Variants in PAX3 observed in about 807,000 individuals in gnomAD.
PAX3 encodes paired box 3.
A neutral mutation model predicts 51.6 loss-of-function variants in PAX3; 14 were observed. The observed-to-expected ratio is 0.27, with a 90% CI of 0.18 to 0.42. PAX3 has a LOEUF of 0.42. Among genes scored for constraint, PAX3 ranks in the 10% least tolerant of loss-of-function variants. PAX3 has a pLI of 1.00. For missense variants in PAX3, 540 were observed against 642.8 expected (o/e 0.84, Z 1.73); for synonymous variants, 280 against 253.4 (o/e 1.11, Z -1.00).
At chr2:222,225,334 C>T (rs1692345226) in intron 5 of PAX3, among the ~76,000 whole-genome samples, 1 of 152,016 alleles carries the variant, frequency 6.6e-6, no homozygotes, top group Admixed American at 6.6e-5. Flanking sequence ...ATGCATTTCT[C>T]TAGTAGTATA....
intron 4 of PAX3, among the ~76,000 whole-genome samples, chr2:222,243,525 AC>A (rs1424886087): frequency 2.6e-5 from 4 of 152,272 alleles, no homozygotes; most frequent in Middle Eastern, 3.2e-3. Flanking sequence ...GTGTCAGTGT[AC>A]ATAGGAGTTA....
chr2:222,290,869 GA>G (rs918585598), intron 4 of PAX3, among the ~76,000 whole-genome samples: 10 of 148,318 alleles, frequency 6.7e-5, no homozygotes, highest in African/African-American at 2.2e-4. Context: ...TTTAAAATAA[GA>G]AAAAAATGGG....
At chr2:222,255,763 C>G (rs369198642) in intron 4 of PAX3, among the ~76,000 whole-genome samples, 1 of 150,242 alleles carries the variant, frequency 6.7e-6, no homozygotes, top group Non-Finnish European at 1.5e-5. Flanking sequence ...AGAATAGTAA[C>G]AGTATGCCCA....
At chr2:222,291,969 GGT>G (rs3997675) in intron 4 of PAX3, among the ~76,000 whole-genome samples, 27,387 of 133,290 alleles carry the variant, frequency 0.21, 2,545 homozygotes, top group South Asian at 0.25. Context: ...CAGCCTCCAA[GGT>G]GTGTGTGTGT....
intron 4 of PAX3, among the ~76,000 whole-genome samples, chr2:222,272,127 G>T (rs1282549615): frequency 6.6e-6 from 1 of 152,104 alleles, no homozygotes; most frequent in Non-Finnish European, 1.5e-5. Context: ...ACACTGCATA[G>T]TAGCCGCCAC....
At chr2:222,229,022 G>A (rs1342181608) in intron 5 of PAX3, among the ~76,000 whole-genome samples, 1 of 151,938 alleles carries the variant, frequency 6.6e-6, no homozygotes, top group African/African-American at 2.4e-5. Flanking sequence ...ACCAAATCCT[G>A]GAATATAGTG....
chr2:222,242,163 G>C (rs779854007), intron 4 of PAX3, among the ~76,000 whole-genome samples: 3 of 152,048 alleles, frequency 2.0e-5, no homozygotes, highest in Non-Finnish European at 4.4e-5. Flanking sequence ...TTATGTTTTT[G>C]TTACTACAAC....
chr2:222,283,158 G>A (rs1694705234), intron 4 of PAX3, among the ~76,000 whole-genome samples: 1 of 152,204 alleles, frequency 6.6e-6, no homozygotes, highest in Non-Finnish European at 1.5e-5. Context: ...CAATCTACAT[G>A]TTGTTAAATA....
At chr2:222,297,684 C>G (rs1695378329) in intron 1 of PAX3, among the ~76,000 whole-genome samples, 1 of 152,204 alleles carries the variant, frequency 6.6e-6, no homozygotes, top group African/African-American at 2.4e-5. Context: ...GCCAAAAGTG[C>G]AGCAGCCAAG....
intron 4 of PAX3, among the ~76,000 whole-genome samples, chr2:222,256,381 A>G (rs963422665): frequency 1.3e-5 from 2 of 151,830 alleles, no homozygotes; most frequent in Non-Finnish European, 2.9e-5. Context: ...TCTCATCCCA[A>G]TAATGCCATC....
At chr2:222,250,493 C>A (rs909320551) in intron 4 of PAX3, among the ~76,000 whole-genome samples, 1 of 152,042 alleles carries the variant, frequency 6.6e-6, no homozygotes, top group African/African-American at 2.4e-5. Context: ...AGAGGAAATA[C>A]CTTCACCACA....
chr2:222,295,438 C>T, intron 3 of PAX3, 90 bp downstream of exon 3: 1 of 1,481,486 alleles, frequency 6.7e-7, no homozygotes, highest in East Asian at 2.3e-5. Context: ...TAGCTGAGAT[C>T]GATAATTGGG....
At chr2:222,297,647 G>A (rs549395840) in intron 1 of PAX3, among the ~76,000 whole-genome samples, 1 of 152,204 alleles carries the variant, frequency 6.6e-6, no homozygotes, top group Non-Finnish European at 1.5e-5. Flanking sequence ...AGGGACTTGG[G>A]CCAGCTGATA....
chr2:222,232,338 G>C, intron 4 of PAX3, 55 bp from the exon 5 acceptor site: 1 of 1,495,952 alleles, frequency 6.7e-7, no homozygotes, highest in Non-Finnish European at 9.3e-7. Flanking sequence ...AAATAAAACT[G>C]AGATTGAATC....
In PAX3 at chr2:222,217,664, T is replaced by C. The variant is rs1692019467; in HGVS notation, c.1173+2476A>G. Among the ~76,000 whole-genome samples the C allele has an allele frequency of 1.3e-5, 2 of 152,210 alleles. 1 individual carries two copies. The highest frequency in any genetic ancestry group is 1.3e-4 in the Admixed American group (2 of 15,270). ...TGTCCGTGTTATATGATCCAATATATTCATAATCACTCTATGATAAGCAGT... is the reference window on the plus strand; with the variant it reads ...TGTCCGTGTTATATGATCCAATATACTCATAATCACTCTATGATAAGCAGT... On this transcript the variant is annotated intron_variant, in intron 7 of 8. Coordinates refer to ENST00000392070, the MANE Select transcript of PAX3 (RefSeq NM_181458.4).
chr2:222,232,226 A>C lies in PAX3; in HGVS notation c.644T>G (p.Leu215Arg). The C allele has an allele frequency of 6.2e-7, 1 of 1,613,934 alleles. No individual in the cohort carries two copies. The highest frequency in any genetic ancestry group is 1.1e-5 in the South Asian group (1 of 91,064). The change falls in exon 5 of 9, where the codon CTA becomes CGA. Residue 215 changes from leucine to arginine, a missense_variant. Coordinates refer to ENST00000392070, the MANE Select transcript of PAX3 (RefSeq NM_181458.4). ...TCGGCTTCTGCGCTGTTTCCTCTTT[A>C]GTGGTAAATCTGGTTCAGAGTCAAT... Reference protein sequence around the residue: ...SDIDSEPDLPLKRKQRRSRTT... With the variant: ...SDIDSEPDLPRKRKQRRSRTT...
chr2:222,244,705 C>T (rs982298856), intron 4 of PAX3, among the ~76,000 whole-genome samples: 10 of 148,842 alleles, frequency 6.7e-5, no homozygotes, highest in East Asian at 3.9e-4. Context: ...CAGAAGAACC[C>T]GCCCATAGTC....
intron 4 of PAX3, 31 bp downstream of exon 4, chr2:222,294,136 C>A (rs370419430): frequency 6.2e-7 from 1 of 1,613,784 alleles, no homozygotes; most frequent in Non-Finnish European, 8.5e-7. Flanking sequence ...AGTCACCCAG[C>A]AAGTGCGCCG....
At chr2:222,220,963 C>T (rs45538333) in intron 6 of PAX3, among the ~76,000 whole-genome samples, 2 of 152,248 alleles carry the variant, frequency 1.3e-5, no homozygotes, top group African/African-American at 4.8e-5. Context: ...AAAAGCAAAT[C>T]CCATGGTTAT....
Sources: gnomAD v4.1 joint callset for allele counts (sites outside exome capture counted in the v4.1 genomes callset) on GRCh38, gnomAD v4.1.1 for gene constraint, MANE v1.5 for transcripts, NCBI Gene and HGNC (gene_info 2026-07-23, HGNC 2026-07-21) for gene names.